Variants in HIPK3 observed in about 807,000 individuals in gnomAD.
HIPK3 encodes homeodomain-interacting protein kinase 3.
In HIPK3, 47 loss-of-function variants were observed where a neutral mutation model predicts 124.2. The ratio of observed to expected loss-of-function variants is 0.38; its 90% CI spans 0.30 to 0.48. HIPK3 has a LOEUF of 0.48. Among genes scored for constraint, HIPK3 ranks in the 20% least tolerant of loss-of-function variants. The pLI is 0.98. For synonymous variants in HIPK3, 482 were observed against 515.2 expected (o/e 0.94, Z 0.87); for missense variants, 1,286 against 1,454.3 (o/e 0.88, Z 1.88).
At position 33,347,665 on chromosome 11, in the gene HIPK3, G is replaced by A. The variant is rs763163296; in HGVS notation, c.2056G>A (p.Ala686Thr). Reference protein sequence around the residue: ...SGRTQQMLVPAWQQVTPLAPA... With the variant: ...SGRTQQMLVPTWQQVTPLAPA... ...TAGAACACAGCAGATGCTGGTGCCT[G>A]CCTGGCAACAGGTGACACCCCTGGC... Residue 686 changes from alanine (A) to threonine (T), a missense_variant, in exon 10 of 17, where the codon GCC becomes ACC. By Grantham distance (58) the Ala-to-Thr change is moderately conservative. Coordinates refer to ENST00000303296, the MANE Select transcript of HIPK3 (RefSeq NM_005734.5). The A allele has an allele frequency of 1.2e-6, 2 of 1,614,116 alleles. No homozygotes were observed. Among genetic ancestry groups the A allele is most frequent in the Non-Finnish European group, 1.7e-6 (2 of 1,179,998 alleles).
At position 33,356,626 on chromosome 11, in the gene HIPK3, A is replaced by T. The variant is rs903484602; in HGVS notation, c.*3058A>T. 1 of 152,086 alleles carries T rather than the reference A, an allele frequency of 6.6e-6. No homozygotes were observed. The highest frequency in any genetic ancestry group is 1.9e-4 in the East Asian group (1 of 5,204). 9.4% of individuals were successfully genotyped at this position (152,086 alleles called of 1,614,324 possible). ...GTGTTAAGTAAAAGTTAAATCATAC[A>T]CTGCAAGGTGTAGGAAGATTTGTTT... On this transcript the variant is annotated 3_prime_UTR_variant, in exon 17 of 17. Coordinates refer to ENST00000303296, the MANE Select transcript of HIPK3 (RefSeq NM_005734.5).
intron 1 of HIPK3, among the ~76,000 whole-genome samples, chr11:33,269,379 C>T (rs959050041): frequency 2.0e-5 from 3 of 152,184 alleles, no homozygotes; most frequent in Non-Finnish European, 4.4e-5. Context: ...CTTCATTCCC[C>T]CAAGATTACT....
intron 1 of HIPK3, among the ~76,000 whole-genome samples, chr11:33,280,548 T>C (rs1851385442): frequency 6.6e-6 from 1 of 152,196 alleles, no homozygotes; most frequent in Admixed American, 6.5e-5. Context: ...ATAACTTGCA[T>C]GATATTCCTA....
intron 2 of HIPK3, among the ~76,000 whole-genome samples, chr11:33,319,835 G>A (rs1363411799): frequency 1.3e-5 from 2 of 152,168 alleles, no homozygotes; most frequent in South Asian, 2.1e-4. Flanking sequence ...TAGATAATAA[G>A]CCAACATATT....
At chr11:33,339,954 C>T (rs1853280675) in intron 6 of HIPK3, among the ~76,000 whole-genome samples, 1 of 151,988 alleles carries the variant, frequency 6.6e-6, no homozygotes, top group African/African-American at 2.4e-5. Context: ...TTCCTTTTTC[C>T]TCTTTTTCTC....
chr11:33,278,885 T>G (rs2133888675), intron 1 of HIPK3, among the ~76,000 whole-genome samples: 1 of 152,356 alleles, frequency 6.6e-6, no homozygotes, highest in Non-Finnish European at 1.5e-5. Context: ...TAAATTTTAT[T>G]TATTTTTACC....
rs923965089 is a variant in HIPK3, at chr11:33,312,650, T to C, written c.1098-15860T>C. The stretch of plus-strand genomic sequence containing the variant: ...TGATAAGATACATATATAAATATTG[T>C]GAGGACACTTTGTAGAGGGCATATT... On this transcript the variant is annotated intron_variant, in intron 2 of 16. Transcript: ENST00000303296. 1.5e-4 allele frequency among the ~76,000 whole-genome samples: 23 copies of C among 152,206 alleles called. 1 individual carries two copies. Among genetic ancestry groups the C allele is most frequent in the African/African-American group, 5.3e-4 (22 of 41,468 alleles).
chr11:33,310,228 T>TTGTCTGTCTGTC (rs67183549), intron 2 of HIPK3, among the ~76,000 whole-genome samples: 44 of 146,424 alleles, frequency 3.0e-4, no homozygotes, highest in African/African-American at 8.3e-4. Context: ...CTGGCTATCT[T>TTGTCTGTCTGTC]TGTCTGTCTG....
chr11:33,328,702 A>AACAGTT, intron 3 of HIPK3, 69 bp downstream of exon 3: 3 of 1,427,018 alleles, frequency 2.1e-6, no homozygotes, highest in South Asian at 2.4e-5. Context: ...ACAGGAACAC[A>AACAGTT]TGGCTGCAGG....
rs191119545 is a variant in HIPK3 at position 33,342,839 on chromosome 11, C to T, written c.1897+1153C>T. On this transcript the variant is annotated intron_variant, in intron 8 of 16. Coordinates refer to ENST00000303296, the MANE Select transcript of HIPK3 (RefSeq NM_005734.5). ...GGGATTACAGGGGTGAGCCACCATACCTGGCTGGCTATACATTCTTAAACT... is the reference window on the plus strand; with the variant it reads ...GGGATTACAGGGGTGAGCCACCATATCTGGCTGGCTATACATTCTTAAACT... Among the ~76,000 whole-genome samples, 1,419 of 152,288 alleles carry T rather than the reference C, an allele frequency of 9.3e-3. 7 individuals carry two copies. Among genetic ancestry groups the T allele is most frequent in the Non-Finnish European group, 0.014 (962 of 68,026 alleles).
At chr11:33,343,095 C>T (rs1028078625) in intron 8 of HIPK3, among the ~76,000 whole-genome samples, 1 of 152,082 alleles carries the variant, frequency 6.6e-6, no homozygotes, top group Non-Finnish European at 1.5e-5. Context: ...GTCAGGACAC[C>T]TGGAATCTAA....
intron 1 of HIPK3, among the ~76,000 whole-genome samples, chr11:33,270,324 TG>T (rs1379175644): frequency 1.3e-5 from 2 of 152,012 alleles, no homozygotes; most frequent in African/African-American, 4.8e-5. Flanking sequence ...ATTTATTTAT[TG>T]TTTTTTTGAG....
At chr11:33,308,187 A>G (rs1852220601) in intron 2 of HIPK3, among the ~76,000 whole-genome samples, 1 of 152,216 alleles carries the variant, frequency 6.6e-6, no homozygotes, top group African/African-American at 2.4e-5. Flanking sequence ...ACTGCATAAC[A>G]GTGACAGCTG....
intron 2 of HIPK3, among the ~76,000 whole-genome samples, chr11:33,328,063 T>TTC (rs773138635): frequency 6.6e-6 from 1 of 152,226 alleles, no homozygotes; most frequent in Non-Finnish European, 1.5e-5. Flanking sequence ...TCTGAAGTAA[T>TTC]ATCTAGGTCT....
At chr11:33,261,889 TTGACTTTTAATAATAGCCACTC>T (rs1463270745) in intron 1 of HIPK3, among the ~76,000 whole-genome samples, 10 of 152,198 alleles carry the variant, frequency 6.6e-5, no homozygotes, top group Admixed American at 6.5e-4. Context: ...CTGTTATTTT[TTGACTTTTAATAATAGCCACTC>T]TGACTGGTGT....
At chr11:33,351,886 G>C (rs867282574) in intron 15 of HIPK3, 43 bp downstream of exon 15, 1 of 1,486,442 alleles carries the variant, frequency 6.7e-7, no homozygotes, top group Middle Eastern at 1.7e-4. Context: ...CTTTAAATAC[G>C]GTCTTAATTT....
At chr11:33,291,475 T>A (rs1851696607) in intron 2 of HIPK3, among the ~76,000 whole-genome samples, 1 of 152,186 alleles carries the variant, frequency 6.6e-6, no homozygotes, top group African/African-American at 2.4e-5. Flanking sequence ...TATCTTAAAA[T>A]AGACAGGGGA....
chr11:33,328,592 C>G lies in HIPK3; in HGVS notation c.1180C>G (p.Leu394Val). The G allele has an allele frequency of 6.2e-7, 1 of 1,613,652 alleles. No individual in the cohort carries two copies. The highest frequency in any genetic ancestry group is 1.1e-5 in the South Asian group (1 of 91,068). Residue 394 changes from leucine (L) to valine (V), a missense_variant, in exon 3 of 17, where the codon CTT becomes GTT. By Grantham distance (32) the Leu-to-Val change is conservative. This residue lies in a region of HIPK3 where 251 missense variants were observed against 349.1 expected (regional missense o/e 0.72). Coordinates refer to ENST00000303296, the MANE Select transcript of HIPK3 (RefSeq NM_005734.5). ...GGGATGTGTGATTGCAGAATTATTT[C>G]TTGGATGGCCGCTCTACCCAGGAGC... is the stretch of plus-strand genomic sequence containing the variant. ...SLGCVIAELF[L>V]GWPLYPGALE...
intron 1 of HIPK3, among the ~76,000 whole-genome samples, chr11:33,262,263 A>G (rs1213080970): frequency 6.6e-6 from 1 of 152,160 alleles, no homozygotes; most frequent in Non-Finnish European, 1.5e-5. Context: ...GAACAACTTA[A>G]TATTAGTGTG....
Sources: gnomAD v4.1 joint callset for allele counts (sites outside exome capture counted in the v4.1 genomes callset) on GRCh38, gnomAD v4.1.1 for gene constraint, gnomAD v4.1.1 regional missense constraint, MANE v1.5 for transcripts, NCBI Gene and HGNC (gene_info 2026-07-23, HGNC 2026-07-21) for gene names.